The following INTS6L variants were observed in gnomAD, a reference collection of about 807,000 sequenced individuals.
INTS6L encodes the protein integrator complex subunit 6 like.
INTS6L carries 18 observed loss-of-function variants against 64.7 expected under a neutral mutation model. The ratio of observed to expected loss-of-function variants is 0.28; its 90% CI spans 0.19 to 0.41. The LOEUF is 0.41. Ranked by LOEUF, INTS6L falls within the 10% of genes least tolerant of loss-of-function variation. The probability of loss-of-function intolerance (pLI) is 1.00; values close to 1 mark genes in which losing one functional copy is unlikely to be tolerated. For missense variants in INTS6L, 533 were observed against 661.0 expected (o/e 0.81, Z 2.12); for synonymous variants, 227 against 235.9 (o/e 0.96, Z 0.34).
intron 2 of INTS6L, among the ~76,000 whole-genome samples, chrX:135,537,397 G>A (rs1286707455): frequency 8.9e-6 from 1 of 112,423 alleles, no homozygotes; most frequent in Non-Finnish European, 1.9e-5. Context: ...TTTACATGAA[G>A]GATTGTTACA....
chrX:135,567,067 A>G (rs1423260914), intron 9 of INTS6L, among the ~76,000 whole-genome samples: 2 of 111,620 alleles, frequency 1.8e-5, no homozygotes, highest in African/African-American at 6.5e-5. Flanking sequence ...GTTCCTTAGA[A>G]TAGTCTTGTG....
rs1556526442 is a variant in INTS6L, at chrX:135,569,383, A to G, written c.1239A>G (p.Arg413=). The change falls in exon 10 of 18, where the codon CGA becomes CGG. Residue 413 remains arginine, a synonymous_variant. Transcript: ENST00000639893. The part of the protein sequence containing the change: ...VHKLKPNLKW[R]QAFDSYLKTL... ...AGCTTAAGCCAAATCTGAAGTGGCG[A>G]CAGGCTTTTGACAGCTACTTAAAAA... 4 of 1,193,395 alleles carry G rather than the reference A, an allele frequency of 3.4e-6. No homozygotes were observed. The South Asian group carries it at 7.5e-5, about 22-fold the overall frequency.
intron 15 of INTS6L, among the ~76,000 whole-genome samples, chrX:135,578,897 C>G (rs1173689219): frequency 3.6e-5 from 4 of 111,249 alleles, no homozygotes; most frequent in African/African-American, 1.3e-4. Context: ...CCATGTCGCT[C>G]CTGAAAACCT....
At chrX:135,575,262 A>T (rs183902456) in intron 14 of INTS6L, 36 bp downstream of exon 14, 1 of 1,171,067 alleles carries the variant, frequency 8.5e-7, no homozygotes, top group Admixed American at 2.5e-5. Context: ...CTAAATTGGG[A>T]TATTCTTGCT....
At chrX:135,580,923 A>C (rs1556534094) in intron 16 of INTS6L, 127 bp from the exon 17 acceptor site, 3 of 483,742 alleles carry the variant, frequency 6.2e-6, no homozygotes, top group Non-Finnish European at 3.2e-6. Context: ...TTTTGATAAG[A>C]ATGTTAAAAT....
intron 9 of INTS6L, among the ~76,000 whole-genome samples, chrX:135,559,494 G>A (rs1054471497): frequency 8.9e-6 from 1 of 112,294 alleles, no homozygotes; most frequent in Non-Finnish European, 1.9e-5. Flanking sequence ...TCACTGCTGA[G>A]TTTACAAACT....
chrX:135,530,163 G>C (rs2085866795), intron 2 of INTS6L, among the ~76,000 whole-genome samples: 1 of 112,449 alleles, frequency 8.9e-6, no homozygotes, highest in Non-Finnish European at 1.9e-5. Context: ...ATAGTGCTTG[G>C]CATTGTAGCA....
Position 135,579,998 on chromosome X carries a change from G to A in INTS6L, c.2330G>A (p.Gly777Glu), listed in dbSNP as rs1556533511. ...IQKPGSNAFV[G>E]GAKNCSLSVD... ...AAACCTGGTAGTAACGCATTTGTAG[G>A]AGGAGCCAAAAACTGCAGTCTCTCC... The change falls in exon 16 of 18, where the codon GGA (glycine) becomes GAA (glutamate). Residue 777 changes from glycine to glutamate, a missense_variant. By Grantham distance (98) the Gly-to-Glu change is moderately conservative. Transcript: ENST00000639893. 1 of 1,211,943 alleles carries A rather than the reference G, an allele frequency of 8.3e-7. No homozygotes were observed. The highest frequency in any genetic ancestry group is 1.8e-5 in the South Asian group (1 of 56,991).
At chrX:135,547,365 T>C in intron 6 of INTS6L, 100 bp downstream of exon 6, 2 of 947,101 alleles carry the variant, frequency 2.1e-6, no homozygotes, top group Non-Finnish European at 2.9e-6. Flanking sequence ...CCACGTGCAT[T>C]TGAGTGGTTA....
chrX:135,569,304 A>C, intron 9 of INTS6L, 33 bp from the exon 10 acceptor site: 1 of 1,012,396 alleles, frequency 9.9e-7, no homozygotes. Flanking sequence ...GCTCAGGACT[A>C]GAATGATGTA....
chrX:135,536,516 T>A, intron 2 of INTS6L, among the ~76,000 whole-genome samples: 1 of 111,678 alleles, frequency 9.0e-6, no homozygotes, highest in South Asian at 3.8e-4. Flanking sequence ...GGATTACAAG[T>A]GACCTTTAGA....
At chrX:135,566,642 A>G (rs1421279494) in intron 9 of INTS6L, among the ~76,000 whole-genome samples, 3 of 112,270 alleles carry the variant, frequency 2.7e-5, no homozygotes, top group Non-Finnish European at 5.6e-5. Context: ...TGGAATAGAT[A>G]AACGAAGCTT....
chrX:135,568,801 C>T (rs1167133284), intron 9 of INTS6L, among the ~76,000 whole-genome samples: 4 of 111,591 alleles, frequency 3.6e-5, no homozygotes, highest in Non-Finnish European at 7.5e-5. Flanking sequence ...CCATCTGAGC[C>T]TCCCAAAGTG....
At chrX:135,533,208 C>T (rs781901633) in intron 2 of INTS6L, among the ~76,000 whole-genome samples, 2 of 112,162 alleles carry the variant, frequency 1.8e-5, no homozygotes, top group South Asian at 7.4e-4. Flanking sequence ...TTATTGATGT[C>T]AATTCTGTTT....
Position 135,580,084 on chromosome X carries a change from A to G in INTS6L, c.2416A>G (p.Ile806Val). Residue 806 changes from isoleucine (I) to valine (V), a missense_variant, in exon 16 of 18, where the codon ATC (isoleucine) becomes GTC (valine). Ile to Val is a conservative substitution (Grantham distance 29). Transcript: ENST00000639893. ...GGGAGCTATGCCAAATACATTACAA[A>G]TCACTCCTGCTATGGCACAAGGAAT... ...TLGAMPNTLQ[I>V]TPAMAQGINA... is the part of the protein sequence containing the mutation. 8.3e-7 allele frequency: 1 copy of G among 1,208,764 alleles called. No homozygotes were observed. Among genetic ancestry groups the G allele is most frequent in the African/African-American group, 1.7e-5 (1 of 57,783 alleles).
chrX:135,569,168 A>C (rs781896111), intron 9 of INTS6L, among the ~76,000 whole-genome samples, 169 bp from the exon 10 acceptor site: 165 of 111,978 alleles, frequency 1.5e-3, no homozygotes, highest in African/African-American at 5.3e-3. Context: ...TTTAGAAAAA[A>C]TACTATATAT....
At chrX:135,562,466 G>A (rs2086816631) in intron 9 of INTS6L, among the ~76,000 whole-genome samples, 1 of 112,044 alleles carries the variant, frequency 8.9e-6, no homozygotes, top group Non-Finnish European at 1.9e-5. Flanking sequence ...TGAGAATAAT[G>A]TATGGTCTCA....
chrX:135,523,292 C>T (rs1385540091), intron 2 of INTS6L, among the ~76,000 whole-genome samples: 1 of 106,800 alleles, frequency 9.4e-6, no homozygotes, highest in Non-Finnish European at 1.9e-5. Flanking sequence ...ATCCCAGCTA[C>T]GCGGGAGGCT....
At chrX:135,569,508 C>A in intron 10 of INTS6L, 77 bp downstream of exon 10, 1 of 609,644 alleles carries the variant, frequency 1.6e-6, no homozygotes, top group Non-Finnish European at 2.4e-6. Flanking sequence ...TGATCAAAAG[C>A]TTTTACTGTT....
Sources: allele counts gnomAD v4.1 joint callset (sites outside exome capture counted in the v4.1 genomes callset), GRCh38; gene constraint gnomAD v4.1.1; transcripts MANE v1.5; gene names NCBI Gene and HGNC (gene_info 2026-07-23, HGNC 2026-07-21).